Variants in FLT1 observed in about 807,000 individuals in gnomAD.
FLT1 encodes the protein vascular endothelial growth factor receptor 1.
A neutral mutation model predicts 156.3 loss-of-function variants in FLT1; 49 were observed. That is an observed-to-expected ratio of 0.31 (90% CI 0.25 to 0.40). The LOEUF (loss-of-function observed/expected upper bound fraction) is 0.40. Among genes scored for constraint, FLT1 ranks in the 10% least tolerant of loss-of-function variants. FLT1 has a pLI of 1.00. For synonymous variants in FLT1, 594 were observed against 583.8 expected, an observed-to-expected ratio of 1.02 and a Z score of -0.25; for missense variants, 1,322 against 1,637.2, an observed-to-expected ratio of 0.81 and a Z score of 3.32.
intron 13 of FLT1, chr13:28,387,117 A>G: frequency 9.7e-7 from 1 of 1,035,716 alleles, no homozygotes; most frequent in African/African-American, 1.7e-5. Flanking sequence ...TAAGAATCCC[A>G]AAGGCCTTAT....
chr13:28,431,774 CTTAG>C (rs889711336), intron 6 of FLT1, among the ~76,000 whole-genome samples: 4 of 152,114 alleles, frequency 2.6e-5, no homozygotes, highest in Admixed American at 1.3e-4. Flanking sequence ...AATCATAAGC[CTTAG>C]TTAGTGTCTG....
rs1224855124 is a variant in FLT1, at chr13:28,473,777, GGAAAGAAAGAAAGAAAGAAA to G, written c.65-6180_65-6161del. Among the ~76,000 whole-genome samples the G allele has an allele frequency of 3.8e-3, 245 of 63,720 alleles. 2 individuals carry two copies. Among genetic ancestry groups the G allele is most frequent in the African/African-American group, 0.012 (180 of 14,616 alleles). The allele number at this position is 63,720 out of a possible 152,430, so 41.8% of individuals were successfully genotyped here. On this transcript the variant is annotated intron_variant, in intron 1 of 29. Transcript: ENST00000282397. ...AGGAAGGAAGGAAGGAAGGAAGGAA[GGAAAGAAAGAAAGAAAGAAA>G]GAAAGAAAGAAAGAAAGAAAGAAAG...
intron 12 of FLT1, among the ~76,000 whole-genome samples, chr13:28,395,588 T>G (rs965254602): frequency 6.6e-6 from 1 of 151,776 alleles, no homozygotes; most frequent in African/African-American, 2.4e-5. Flanking sequence ...AAAATTAATT[T>G]TACTTTTAAA....
In FLT1 at chr13:28,387,753, G is replaced by A. The variant is rs184926338; in HGVS notation, c.1969+2043C>T. On this transcript the variant is annotated intron_variant, in intron 13 of 29. Coordinates refer to ENST00000282397, the MANE Select transcript of FLT1 (RefSeq NM_002019.4). ...ATCTTCACCTCCCTTCATACCCCAG[G>A]GTAACATACCCCTAGGGTAACTAAT... 14 of 1,038,880 alleles carry A rather than the reference G, an allele frequency of 1.3e-5. No individual in the cohort carries two copies. In the African/African-American group the frequency reaches 2.4e-4, roughly 18 times the overall value. 64.4% of individuals were successfully genotyped at this position (1,038,880 alleles called of 1,614,324 possible). A position where few individuals can be genotyped will look rare whatever the true frequency, so the allele number is the denominator to read the frequency against.
intron 3 of FLT1, among the ~76,000 whole-genome samples, chr13:28,456,322 T>A (rs1390410463): frequency 6.6e-6 from 1 of 151,646 alleles, no homozygotes; most frequent in Non-Finnish European, 1.5e-5. Flanking sequence ...TATAAAAATA[T>A]TTATATGATG....
At chr13:28,416,803 T>G (rs1406739717) in intron 10 of FLT1, among the ~76,000 whole-genome samples, 1 of 152,218 alleles carries the variant, frequency 6.6e-6, no homozygotes, top group East Asian at 1.9e-4. Context: ...GTTCAAGTAC[T>G]TTTTTCATAC....
chr13:28,393,350 C>T (rs1325408855), intron 12 of FLT1, among the ~76,000 whole-genome samples: 4 of 152,058 alleles, frequency 2.6e-5, no homozygotes, highest in South Asian at 2.1e-4. Flanking sequence ...TTTAAAAGGA[C>T]GCCAGGGATG....
rs79582834 is a variant in FLT1, at chr13:28,364,588, T to G, written c.2117-6903A>C. ...AGGTTTTTAATTGACCTAGATTTTC[T>G]TTTGGGGAGGGGTATGTGTATGGTG... On this transcript the variant is annotated intron_variant, in intron 14 of 29. Coordinates refer to ENST00000282397, the MANE Select transcript of FLT1 (RefSeq NM_002019.4). 7.7e-3 allele frequency among the ~76,000 whole-genome samples: 1,180 copies of G among 152,338 alleles called. 15 individuals are homozygous for G. The highest frequency in any genetic ancestry group is 0.026 in the African/African-American group (1,093 of 41,574).
intron 10 of FLT1, among the ~76,000 whole-genome samples, chr13:28,409,479 T>C (rs1876013293): frequency 6.6e-6 from 1 of 151,910 alleles, no homozygotes; most frequent in Non-Finnish European, 1.5e-5. Context: ...GGACTACATG[T>C]GTGTGCCATC....
rs1872100604 is a variant in FLT1, at chr13:28,335,913, C to T, written c.2489-1784G>A. Among the ~76,000 whole-genome samples, 4 of 152,166 alleles carry T rather than the reference C, an allele frequency of 2.6e-5. No individual in the cohort carries two copies. The South Asian group carries it at 6.2e-4, about 24-fold the overall frequency. ...ATCTGAAAATCCGGTGTGGGAACAG[C>T]GCTGGCAGATGCCTTCTCTATACTA... On this transcript the variant is annotated intron_variant, in intron 17 of 29. Coordinates refer to ENST00000282397, the MANE Select transcript of FLT1 (RefSeq NM_002019.4).
intron 3 of FLT1, among the ~76,000 whole-genome samples, chr13:28,451,037 C>T (rs941846231): frequency 3.9e-5 from 6 of 152,136 alleles, no homozygotes; most frequent in African/African-American, 1.2e-4. Context: ...GAAGACTCAC[C>T]GCGGAAACCA....
rs1381216756 is a variant in FLT1 at position 28,335,839 on chromosome 13, AC to A, written c.2489-1711del. Among the ~76,000 whole-genome samples, 7 of 152,252 alleles carry A rather than the reference AC, an allele frequency of 4.6e-5. No individual in the cohort carries two copies. In the East Asian group the frequency reaches 1.4e-3, roughly 29 times the overall value. ...GTTGAAGAAATAGACCAGGATGGGGACCCTCGATTTGAAATAAAAGAGCCTC... is the reference window on the plus strand; with the variant it reads ...GTTGAAGAAATAGACCAGGATGGGGACCTCGATTTGAAATAAAAGAGCCTC... On this transcript the variant is annotated intron_variant, in intron 17 of 29. Coordinates refer to ENST00000282397, the MANE Select transcript of FLT1 (RefSeq NM_002019.4).
chr13:28,388,588 T>A (rs1874512932), intron 13 of FLT1: 1 of 1,053,686 alleles, frequency 9.5e-7, no homozygotes, highest in Non-Finnish European at 1.1e-6. Flanking sequence ...AGATTACAAC[T>A]TCTCTTGATT....
chr13:28,386,490 C>T, intron 13 of FLT1: 2 of 1,048,620 alleles, frequency 1.9e-6, no homozygotes, highest in Non-Finnish European at 2.3e-6. Flanking sequence ...AGGAAGTGCT[C>T]TGATGTACAA....
At chr13:28,464,228 C>T (rs995490975) in intron 3 of FLT1, among the ~76,000 whole-genome samples, 1 of 152,254 alleles carries the variant, frequency 6.6e-6, no homozygotes, top group East Asian at 1.9e-4. Flanking sequence ...TTTCACAATC[C>T]TTCCTTATCC....
At chr13:28,333,625 C>T (rs111845981) in intron 18 of FLT1, among the ~76,000 whole-genome samples, 68 of 152,288 alleles carry the variant, frequency 4.5e-4, no homozygotes, top group African/African-American at 1.5e-3. Context: ...ACTTTATAGT[C>T]AGGTCAAGCC....
chr13:28,441,217 C>T (rs1411147465), intron 3 of FLT1, among the ~76,000 whole-genome samples: 2 of 152,216 alleles, frequency 1.3e-5, no homozygotes, highest in African/African-American at 4.8e-5. Context: ...AACACAACTT[C>T]AGTAAACACA....
chr13:28,446,558 CA>C (rs1878630656), intron 3 of FLT1, among the ~76,000 whole-genome samples: 1 of 152,028 alleles, frequency 6.6e-6, no homozygotes, highest in South Asian at 2.1e-4. Flanking sequence ...ATAACAGCAT[CA>C]AAAAGAATAA....
intron 10 of FLT1, among the ~76,000 whole-genome samples, chr13:28,415,172 T>A (rs1876571426): frequency 6.6e-6 from 1 of 152,164 alleles, no homozygotes; most frequent in African/African-American, 2.4e-5. Flanking sequence ...GCACAAATAT[T>A]GGCTTGTCAA....
Sources: gnomAD v4.1 joint callset for allele counts (sites outside exome capture counted in the v4.1 genomes callset) on GRCh38, gnomAD v4.1.1 for gene constraint, MANE v1.5 for transcripts, NCBI Gene and HGNC (gene_info 2026-07-23, HGNC 2026-07-21) for gene names.